Variants in LONRF1 observed in about 807,000 individuals in gnomAD.
The protein encoded by LONRF1 is LON peptidase N-terminal domain and RING finger protein 1.
Under a neutral mutation model 85.8 loss-of-function variants are expected in LONRF1, and 37 were observed. The ratio of observed to expected loss-of-function variants is 0.43; its 90% confidence interval spans 0.33 to 0.57. LONRF1 has a LOEUF of 0.57. Ranked by LOEUF, LONRF1 falls within the 20% of genes least tolerant of loss-of-function variation. The pLI is 0.04. For missense variants in LONRF1, 1,036 were observed against 978.0 expected, an observed-to-expected ratio of 1.06 and a Z score of -0.79; for synonymous variants, 517 against 390.1, an observed-to-expected ratio of 1.33 and a Z score of -3.83.
At chr8:12,729,927 G>C (rs576306050) in intron 8 of LONRF1, among the ~76,000 whole-genome samples, 1 of 152,188 alleles carries the variant, frequency 6.6e-6, no homozygotes, top group Non-Finnish European at 1.5e-5. Context: ...TTCTGTCTGA[G>C]GTATGGGAAA....
At position 12,725,883 on chromosome 8, in the gene LONRF1, G is replaced by C; in HGVS notation, c.2011-4C>G. The C allele has an allele frequency of 3.7e-6, 6 of 1,606,360 alleles. No individual in the cohort carries two copies. Among genetic ancestry groups the C allele is most frequent in the East Asian group, 2.2e-5 (1 of 44,742 alleles). ...TAATCTCATCTTCATTCTCAACCTA[G>C]AAATACAATAGTCAGTAAGACTTCT... is the stretch of plus-strand genomic sequence containing the variant. On this transcript the variant is annotated splice_polypyrimidine_tract_variant and splice_region_variant and intron_variant, in intron 10 of 11. Transcript: ENST00000398246.
intron 7 of LONRF1, among the ~76,000 whole-genome samples, chr8:12,732,311 C>G (rs757203737): frequency 1.3e-5 from 2 of 152,304 alleles, no homozygotes; most frequent in African/African-American, 4.8e-5. Context: ...GACACAGTCT[C>G]TAGATAAATT....
At chr8:12,743,347 T>G in intron 1 of LONRF1, 65 bp from the exon 2 acceptor site, 1 of 986,886 alleles carries the variant, frequency 1.0e-6, no homozygotes, top group East Asian at 2.7e-5. Flanking sequence ...CTACAAAATA[T>G]GATCATACCA....
Position 12,728,799 on chromosome 8 carries a change from G to T in LONRF1, c.2010+102C>A, listed in dbSNP as rs549217383. The T allele has an allele frequency of 3.3e-5, 43 of 1,313,596 alleles. No individual in the cohort carries two copies. The East Asian group carries it at 9.3e-4, about 28-fold the overall frequency. 81.4% of individuals were successfully genotyped at this position (1,313,596 alleles called of 1,614,324 possible). A position where few individuals can be genotyped will look rare whatever the true frequency, so the allele number is the denominator to read the frequency against. ...TCTCATCACAGTGGTAAGGCTGTCT[G>T]ATAAGAACTGGTTCATGCACCTAGA... On this transcript the variant is annotated intron_variant, in intron 10 of 11. Coordinates refer to ENST00000398246, the MANE Select transcript of LONRF1 (RefSeq NM_152271.5).
intron 11 of LONRF1, among the ~76,000 whole-genome samples, chr8:12,723,605 T>C (rs1806018701): frequency 6.6e-6 from 1 of 152,228 alleles, no homozygotes; most frequent in South Asian, 2.1e-4. Context: ...GTGGCTGTCC[T>C]ATGCACTAGA....
At chr8:12,753,479 G>A (rs894196232) in intron 1 of LONRF1, 4 of 152,096 alleles carry the variant, frequency 2.6e-5, no homozygotes, top group Admixed American at 6.6e-5. Context: ...TGGCACTTGG[G>A]GCCTGATAAT....
intron 1 of LONRF1, chr8:12,753,586 G>A (rs947579368): frequency 1.3e-5 from 2 of 152,222 alleles, no homozygotes; most frequent in African/African-American, 4.8e-5. Flanking sequence ...CCCCACAAGA[G>A]GTGGCAACCA....
At chr8:12,746,841 G>A (rs897930534) in intron 1 of LONRF1, among the ~76,000 whole-genome samples, 3 of 152,084 alleles carry the variant, frequency 2.0e-5, no homozygotes, top group Admixed American at 1.3e-4. Flanking sequence ...TTACCTCCAT[G>A]CTATTAATAT....
At chr8:12,723,628 G>T (rs1806020284) in intron 11 of LONRF1, among the ~76,000 whole-genome samples, 1 of 152,214 alleles carries the variant, frequency 6.6e-6, no homozygotes, top group Non-Finnish European at 1.5e-5. Context: ...ACATTCAGCA[G>T]CACCTCTGAT....
chr8:12,746,311 T>C (rs1799150857), intron 1 of LONRF1, among the ~76,000 whole-genome samples: 1 of 152,154 alleles, frequency 6.6e-6, no homozygotes, highest in Non-Finnish European at 1.5e-5. Flanking sequence ...CAGCCTTAAT[T>C]ATCATTATGA....
At position 12,723,152 on chromosome 8, in the gene LONRF1, G is replaced by T; in HGVS notation, c.2266C>A (p.Arg756=). The T allele has an allele frequency of 6.2e-7, 1 of 1,614,056 alleles. No homozygotes were observed. Among genetic ancestry groups the T allele is most frequent in the South Asian group, 1.1e-5 (1 of 91,084 alleles). ...AGTATATGCTGTATCTTGGTCAACC[G>T]TTCTTTCAAAGACTTCATTGACAAA... ...SVLSMKSLKE[R]LTKIQHILTY... The change falls in exon 12 of 12, where the codon CGG becomes AGG. Residue 756 remains arginine (R), a synonymous_variant. Transcript: ENST00000398246.
chr8:12,722,573 T>G lies in LONRF1; in HGVS notation c.*523A>C, dbSNP rs1157878000. The G allele has an allele frequency of 6.5e-6, 1 of 152,826 alleles. No individual in the cohort carries two copies. The highest frequency in any genetic ancestry group is 1.5e-5 in the Non-Finnish European group (1 of 68,200). The allele number at this position is 152,826 out of a possible 1,614,324, so 9.5% of individuals were successfully genotyped here. A position where few individuals can be genotyped will look rare whatever the true frequency, so the allele number is the denominator to read the frequency against. On this transcript the variant is annotated 3_prime_UTR_variant, in exon 12 of 12. Transcript: ENST00000398246. ...CAAAGAATGATCCTCAACACGATAT[T>G]TTACATACTTGTGCAAATATAAGCA...
At chr8:12,752,619 A>T (rs1799453390) in intron 1 of LONRF1, among the ~76,000 whole-genome samples, 1 of 152,242 alleles carries the variant, frequency 6.6e-6, no homozygotes, top group Non-Finnish European at 1.5e-5. Flanking sequence ...ACTTGAAAAA[A>T]AGAGAGATTA....
At chr8:12,730,373 G>A (rs1026964582) in intron 8 of LONRF1, among the ~76,000 whole-genome samples, 19 of 152,108 alleles carry the variant, frequency 1.2e-4, no homozygotes, top group Non-Finnish European at 1.5e-5. Flanking sequence ...CCTTTGAGTT[G>A]CAGATTATGG....
intron 1 of LONRF1, among the ~76,000 whole-genome samples, chr8:12,743,666 C>G (rs538245929): frequency 9.2e-5 from 14 of 152,126 alleles, no homozygotes; most frequent in East Asian, 3.9e-4. Flanking sequence ...TTTTACCCTA[C>G]TTTCTAAATC....
chr8:12,752,060 A>G (rs1169550237), intron 1 of LONRF1, among the ~76,000 whole-genome samples: 2 of 152,198 alleles, frequency 1.3e-5, no homozygotes, highest in African/African-American at 2.4e-5. Context: ...GCTGGCAGAG[A>G]TAAGTTTGGA....
chr8:12,744,593 T>A (rs1799070323), intron 1 of LONRF1, among the ~76,000 whole-genome samples: 1 of 152,308 alleles, frequency 6.6e-6, no homozygotes, highest in Admixed American at 6.5e-5. Context: ...GAGGAGCTTA[T>A]AATCTAGCTA....
rs1805917058 is a variant in LONRF1, at chr8:12,722,235, C to T, written c.*861G>A. 6.6e-6 allele frequency: 1 copy of T among 152,504 alleles called. No homozygotes were observed. The highest frequency in any genetic ancestry group is 2.1e-4 in the South Asian group (1 of 4,824). The allele number at this position is 152,504 out of a possible 1,614,324, so 9.4% of individuals were successfully genotyped here. On this transcript the variant is annotated 3_prime_UTR_variant, in exon 12 of 12. Coordinates refer to ENST00000398246, the MANE Select transcript of LONRF1 (RefSeq NM_152271.5). Reference sequence around the variant, plus strand: ...TATGCATTTTTTTTTAAAACAAACACATCATGTCAAACTATAAATTACACA... The same window carrying T: ...TATGCATTTTTTTTTAAAACAAACATATCATGTCAAACTATAAATTACACA...
At chr8:12,728,483 T>C (rs1283680676) in intron 10 of LONRF1, among the ~76,000 whole-genome samples, 1 of 152,232 alleles carries the variant, frequency 6.6e-6, no homozygotes, top group Non-Finnish European at 1.5e-5. Context: ...CAAATTTCAA[T>C]CTACTAATTC....
Sources: gnomAD v4.1 joint callset for allele counts (sites outside exome capture counted in the v4.1 genomes callset) on GRCh38, gnomAD v4.1.1 for gene constraint, MANE v1.5 for transcripts, NCBI Gene and HGNC (gene_info 2026-07-23, HGNC 2026-07-21) for gene names.